The following SOX6 variants were observed in gnomAD, a reference collection of about 807,000 sequenced individuals.
SOX6 encodes transcription factor SOX-6.
A neutral mutation model predicts 97.8 loss-of-function variants in SOX6; 11 were observed. The ratio of observed to expected loss-of-function variants is 0.11; its 90% CI spans 0.07 to 0.19. The LOEUF is 0.19. Ranked by LOEUF, SOX6 falls within the 10% of genes least tolerant of loss-of-function variation. The pLI, the probability that SOX6 is intolerant of heterozygous loss-of-function variation, is 1.00. For missense variants in SOX6, 810 were observed against 1,039.5 expected, an observed-to-expected ratio of 0.78 and a Z score of 3.04; for synonymous variants, 360 against 371.4, an observed-to-expected ratio of 0.97 and a Z score of 0.35.
chr11:16,194,974 A>G (rs1851733030), intron 4 of SOX6, among the ~76,000 whole-genome samples: 1 of 152,238 alleles, frequency 6.6e-6, no homozygotes, highest in Non-Finnish European at 1.5e-5. Flanking sequence ...TAACCTACAC[A>G]TAAAAATAGT....
chr11:16,694,453 T>C (rs1025874939), intron 3 of SOX6, among the ~76,000 whole-genome samples: 9 of 152,110 alleles, frequency 5.9e-5, no homozygotes, highest in Non-Finnish European at 8.8e-5. Context: ...AGCCCAGGAG[T>C]TTGAGGCTAC....
chr11:16,216,094 G>A (rs1402592892), intron 4 of SOX6, among the ~76,000 whole-genome samples: 3 of 152,142 alleles, frequency 2.0e-5, no homozygotes, highest in Non-Finnish European at 4.4e-5. Flanking sequence ...TTTTGGAAAT[G>A]GAGGACAATG....
intron 4 of SOX6, among the ~76,000 whole-genome samples, chr11:16,531,454 C>G (rs1861234913): frequency 6.6e-6 from 1 of 151,788 alleles, no homozygotes; most frequent in African/African-American, 2.4e-5. Flanking sequence ...TTAAATTCTA[C>G]TGTGTCATGT....
chr11:16,201,438 T>C (rs1327144850), intron 4 of SOX6, among the ~76,000 whole-genome samples: 2 of 151,472 alleles, frequency 1.3e-5, no homozygotes, highest in African/African-American at 4.8e-5. Context: ...TTCTTTAGAA[T>C]AATTAGGCTC....
intron 4 of SOX6, among the ~76,000 whole-genome samples, chr11:16,506,127 CTTGCATTG>C (rs1297919403): frequency 6.6e-6 from 1 of 152,178 alleles, no homozygotes; most frequent in Non-Finnish European, 1.5e-5. Flanking sequence ...CCACCAACAA[CTTGCATTG>C]TGCACCTGGA....
intron 9 of SOX6, among the ~76,000 whole-genome samples, chr11:16,057,116 A>ACT (rs1847834942): frequency 1.3e-5 from 2 of 152,078 alleles, no homozygotes; most frequent in African/African-American, 4.8e-5. Context: ...TAATGGTTTA[A>ACT]CTTGTATTTA....
intron 6 of SOX6, among the ~76,000 whole-genome samples, chr11:16,177,536 A>G (rs937248687): frequency 1.3e-5 from 2 of 151,946 alleles, no homozygotes; most frequent in Non-Finnish European, 2.9e-5. Flanking sequence ...GAAGCTAACC[A>G]GATAACCATG....
At chr11:16,590,277 A>G (rs1008655307) in intron 4 of SOX6, among the ~76,000 whole-genome samples, 2 of 152,226 alleles carry the variant, frequency 1.3e-5, no homozygotes, top group African/African-American at 4.8e-5. Flanking sequence ...TAATAGGCAA[A>G]GTGCTAATTT....
At chr11:16,140,106 T>G (rs1424393945) in intron 6 of SOX6, among the ~76,000 whole-genome samples, 1 of 152,098 alleles carries the variant, frequency 6.6e-6, no homozygotes, top group Non-Finnish European at 1.5e-5. Flanking sequence ...ATCTCTTACA[T>G]ATTACCAACC....
At chr11:16,692,860 T>C (rs1298739507) in intron 3 of SOX6, among the ~76,000 whole-genome samples, 1 of 152,218 alleles carries the variant, frequency 6.6e-6, no homozygotes, top group Non-Finnish European at 1.5e-5. Context: ...CTATTTTATA[T>C]CTGCATAAAA....
At chr11:16,304,564 A>C (rs1855364488) in intron 3 of SOX6, among the ~76,000 whole-genome samples, 1 of 152,152 alleles carries the variant, frequency 6.6e-6, no homozygotes, top group Non-Finnish European at 1.5e-5. Context: ...GAAAGCAATA[A>C]ATTTCTGTTA....
chr11:16,362,624 T>C (rs1857237835), intron 1 of SOX6, among the ~76,000 whole-genome samples: 1 of 151,068 alleles, frequency 6.6e-6, no homozygotes. Context: ...CTGTATGTGG[T>C]GAAAAAAAAA....
At chr11:16,540,072 T>A (rs1861379429) in intron 4 of SOX6, among the ~76,000 whole-genome samples, 1 of 152,110 alleles carries the variant, frequency 6.6e-6, no homozygotes, top group South Asian at 2.1e-4. Context: ...AAATCCTCAA[T>A]AAAATACTGG....
At chr11:16,287,278 T>TCA (rs2134252264) in intron 3 of SOX6, among the ~76,000 whole-genome samples, 1 of 114,134 alleles carries the variant, frequency 8.8e-6, no homozygotes, top group African/African-American at 3.1e-5. Flanking sequence ...TCTCTCTCTC[T>TCA]CTCTCTCTCT....
intron 9 of SOX6, among the ~76,000 whole-genome samples, chr11:16,077,937 C>CA (rs377358805): frequency 0.038 from 5,579 of 148,578 alleles, 353 homozygotes; most frequent in African/African-American, 0.13. Context: ...ACAAACTTGC[C>CA]AAAAAAAAAG....
chr11:16,091,796 A>C (rs1848695665), intron 9 of SOX6, among the ~76,000 whole-genome samples: 1 of 152,010 alleles, frequency 6.6e-6, no homozygotes. Flanking sequence ...AATAACAGTG[A>C]AAATTGCATT....
At chr11:16,286,187 G>T (rs1377176186) in intron 3 of SOX6, among the ~76,000 whole-genome samples, 1 of 152,006 alleles carries the variant, frequency 6.6e-6, no homozygotes, top group African/African-American at 2.4e-5. Flanking sequence ...GATTTCCAGG[G>T]TCCACGGTGA....
At chr11:16,549,168 C>G (rs1378196094) in intron 4 of SOX6, among the ~76,000 whole-genome samples, 2 of 152,010 alleles carry the variant, frequency 1.3e-5, no homozygotes, top group Non-Finnish European at 2.9e-5. Flanking sequence ...ACCAGAATAA[C>G]TAAAAAAAAT....
chr11:16,258,164 A>G (rs930527073), intron 3 of SOX6, among the ~76,000 whole-genome samples: 2 of 152,040 alleles, frequency 1.3e-5, no homozygotes, highest in African/African-American at 4.8e-5. Context: ...GCAGTTTCTT[A>G]TAAAACTAAC....
Sources: allele counts gnomAD v4.1 joint callset (sites outside exome capture counted in the v4.1 genomes callset), GRCh38; gene constraint gnomAD v4.1.1; transcripts MANE v1.5; gene names NCBI Gene and HGNC (gene_info 2026-07-23, HGNC 2026-07-21).